The following ZC3H11A variants were observed in gnomAD, a reference collection of about 807,000 sequenced individuals.
ZC3H11A encodes zinc finger CCCH-type containing 11A.
A neutral mutation model predicts 90.8 loss-of-function variants in ZC3H11A; 22 were observed. The observed-to-expected ratio is 0.24, with a 90% confidence interval of 0.17 to 0.35. The LOEUF (loss-of-function observed/expected upper bound fraction) is 0.35. Ranked by LOEUF, ZC3H11A falls within the 10% of genes least tolerant of loss-of-function variation. The pLI, the probability that ZC3H11A is intolerant of heterozygous loss-of-function variation, is 1.00. For missense variants in ZC3H11A, 701 were observed against 964.9 expected, an observed-to-expected ratio of 0.73 and a Z score of 3.62; for synonymous variants, 294 against 339.8, an observed-to-expected ratio of 0.87 and a Z score of 1.48.
chr1:203,797,931 C>T (rs1167859149), intron 1 of ZC3H11A: 1 of 1,535,946 alleles, frequency 6.5e-7, no homozygotes, highest in Non-Finnish European at 8.7e-7. Context: ...CATTGTGTGG[C>T]ACTTCTTTCA....
At chr1:203,826,690 A>G (rs561022375) in intron 4 of ZC3H11A, among the ~76,000 whole-genome samples, 9 of 152,194 alleles carry the variant, frequency 5.9e-5, no homozygotes, top group African/African-American at 1.9e-4. Context: ...TTAAATTTCA[A>G]TGCTGGTGTT....
At position 203,804,182 on chromosome 1, in the gene ZC3H11A, CG is replaced by C. The variant is rs1338688982; in HGVS notation, c.-146+1167del. ...TTTTTTTTTTTTTGAGACAGAGTCT[CG>C]CTCTGTCGCCCAGGCTGGAGTGCAG... On this transcript the variant is annotated intron_variant, in intron 2 of 17. Coordinates refer to ENST00000367210, the MANE Select transcript of ZC3H11A (RefSeq NM_001376342.1). 2.8e-5 allele frequency among the ~76,000 whole-genome samples: 4 copies of C among 141,982 alleles called. No individual in the cohort carries two copies. The East Asian group carries it at 8.4e-4, about 30-fold the overall frequency. 93.1% of individuals were successfully genotyped at this position (141,982 alleles called of 152,430 possible).
chr1:203,841,142 C>G (rs200251988), intron 12 of ZC3H11A, among the ~76,000 whole-genome samples: 23 of 129,834 alleles, frequency 1.8e-4, no homozygotes, highest in Non-Finnish European at 3.7e-4. Flanking sequence ...ACATAAGAAT[C>G]TTTTTTTTTT....
intron 4 of ZC3H11A, among the ~76,000 whole-genome samples, chr1:203,819,529 A>ATTTTTTTT (rs755259647): frequency 1.3e-3 from 93 of 72,880 alleles, no homozygotes; most frequent in African/African-American, 5.0e-3. Context: ...GCTGACTCCA[A>ATTTTTTTT]TTTTTTTTTT....
chr1:203,844,205 A>T (rs1687271382), intron 12 of ZC3H11A, among the ~76,000 whole-genome samples: 1 of 151,284 alleles, frequency 6.6e-6, no homozygotes, highest in African/African-American at 2.4e-5. Context: ...ACTCTCATCC[A>T]GGCTGGAGTG....
chr1:203,840,777 G>A (rs1222814304), intron 12 of ZC3H11A, among the ~76,000 whole-genome samples: 1 of 151,982 alleles, frequency 6.6e-6, no homozygotes. Flanking sequence ...AGAATTACAG[G>A]CGTACGCCAC....
chr1:203,815,120 G>A (rs1261559615), intron 2 of ZC3H11A: 2 of 151,516 alleles, frequency 1.3e-5, no homozygotes, highest in Non-Finnish European at 2.9e-5. Context: ...ATGAGCCACC[G>A]TGCCTGGCCA....
At chr1:203,838,492 G>A (rs187287784) in intron 11 of ZC3H11A, among the ~76,000 whole-genome samples, 9 of 152,356 alleles carry the variant, frequency 5.9e-5, no homozygotes, top group Non-Finnish European at 1.2e-4. Flanking sequence ...CTCAGGCAGA[G>A]AGAATAACTC....
chr1:203,822,697 C>T (rs1679187927), intron 4 of ZC3H11A, among the ~76,000 whole-genome samples: 2 of 152,200 alleles, frequency 1.3e-5, no homozygotes, highest in African/African-American at 4.8e-5. Flanking sequence ...AGGCTCAACA[C>T]TTGTCAGGGT....
chr1:203,797,730 A>G (rs1414712879), intron 1 of ZC3H11A: 2 of 1,535,418 alleles, frequency 1.3e-6, no homozygotes, highest in Admixed American at 2.0e-5. Flanking sequence ...GGGTTTGCGA[A>G]TTAAGGGGAA....
rs1013111693 is a variant in ZC3H11A, at chr1:203,808,314, A to G, written c.-146+5298A>G. 4.6e-5 allele frequency among the ~76,000 whole-genome samples: 7 copies of G among 152,192 alleles called. No homozygotes were observed. In the South Asian group the frequency reaches 1.0e-3, roughly 22 times the overall value. On this transcript the variant is annotated intron_variant, in intron 2 of 17. Coordinates refer to ENST00000367210, the MANE Select transcript of ZC3H11A (RefSeq NM_001376342.1). ...TCAGATGAGAAGTCTAATAATGTCA[A>G]GTCTGATTTTCTTTCCTTTGTTGTC...
rs193078659 is a variant in ZC3H11A at position 203,810,435 on chromosome 1, T to G, written c.-145-6491T>G. 1.6e-3 allele frequency among the ~76,000 whole-genome samples: 247 copies of G among 151,698 alleles called. 2 individuals carry two copies. Among genetic ancestry groups the G allele is most frequent in the African/African-American group, 5.7e-3 (237 of 41,398 alleles). ...TTGTAGCTGTTAGGTTTTTTTTTTT[T>G]TTGAGACAGAGTCTCACTCTGTCGC... On this transcript the variant is annotated intron_variant, in intron 2 of 17. Coordinates refer to ENST00000367210, the MANE Select transcript of ZC3H11A (RefSeq NM_001376342.1).
chr1:203,798,619 C>G, intron 1 of ZC3H11A: 1 of 1,536,120 alleles, frequency 6.5e-7, no homozygotes, highest in Non-Finnish European at 8.7e-7. Context: ...CTTAGTGACT[C>G]TGATTCAGAT....
chr1:203,829,741 ATTT>A, intron 6 of ZC3H11A, 36 bp from the exon 7 acceptor site: 1 of 1,612,578 alleles, frequency 6.2e-7, no homozygotes. Context: ...CTATAGGCGT[ATTT>A]TTAATTGTGA....
intron 8 of ZC3H11A, among the ~76,000 whole-genome samples, chr1:203,830,702 G>A (rs1324630125): frequency 3.3e-5 from 5 of 151,868 alleles, no homozygotes; most frequent in African/African-American, 9.7e-5. Context: ...CCAGCTACTC[G>A]GGAGGCTGAG....
intron 2 of ZC3H11A, among the ~76,000 whole-genome samples, chr1:203,815,216 C>CTTTTTT (rs59254922): frequency 0.011 from 1,100 of 96,992 alleles, 84 homozygotes; most frequent in South Asian, 0.039. Context: ...CTTTTCTTTT[C>CTTTTTT]TTTTTTTTTT....
chr1:203,805,911 C>T, intron 2 of ZC3H11A: 2 of 678,836 alleles, frequency 2.9e-6, no homozygotes, highest in Non-Finnish European at 5.6e-6. Context: ...TTTTCACTTG[C>T]TTGTCTACCT....
chr1:203,820,284 C>T (rs1048999529), intron 4 of ZC3H11A, among the ~76,000 whole-genome samples: 5 of 151,480 alleles, frequency 3.3e-5, no homozygotes, highest in African/African-American at 9.7e-5. Flanking sequence ...ATAGTTGTCA[C>T]GACTAGTTTT....
intron 14 of ZC3H11A, among the ~76,000 whole-genome samples, 166 bp downstream of exon 14, chr1:203,848,573 T>G (rs1343957219): frequency 6.6e-6 from 1 of 152,188 alleles, no homozygotes; most frequent in African/African-American, 2.4e-5. Context: ...TCTATGTATA[T>G]CAGTATTCGC....
Sources: allele counts gnomAD v4.1 joint callset (sites outside exome capture counted in the v4.1 genomes callset), GRCh38; gene constraint gnomAD v4.1.1; transcripts MANE v1.5; gene names NCBI Gene and HGNC (gene_info 2026-07-23, HGNC 2026-07-21).